The following UTP11 variants were observed in gnomAD, a reference collection of about 807,000 sequenced individuals.
The protein encoded by UTP11 is probable U3 small nucleolar RNA-associated protein 11.
UTP11 carries 29 observed loss-of-function variants against 39.0 expected under a neutral mutation model. That is an observed-to-expected ratio of 0.74 (90% CI 0.55 to 1.01). The LOEUF (loss-of-function observed/expected upper bound fraction) is 1.01. Ranked by LOEUF, UTP11 falls within the 50% of genes least tolerant of loss-of-function variation. The pLI, the probability that UTP11 is intolerant of heterozygous loss-of-function variation, is 0.00. For missense variants in UTP11, 281 were observed against 306.0 expected, an observed-to-expected ratio of 0.92 and a Z score of 0.61; for synonymous variants, 111 against 105.0, an observed-to-expected ratio of 1.06 and a Z score of -0.35.
intron 1 of UTP11, 63 bp downstream of exon 1, chr1:38,012,928 C>A: frequency 6.2e-7 from 1 of 1,600,970 alleles, no homozygotes; most frequent in African/African-American, 1.3e-5. Flanking sequence ...TTGCCCCAAC[C>A]CTGTCGCCAC....
chr1:38,023,047 C>T (rs113966271), intron 7 of UTP11, among the ~76,000 whole-genome samples: 2 of 152,058 alleles, frequency 1.3e-5, no homozygotes, highest in African/African-American at 2.4e-5. Flanking sequence ...AGGGTAGGAT[C>T]GGGTAGCATA....
rs1646707301 is a variant in UTP11, at chr1:38,016,397, G to T, written c.102G>T (p.Lys34Asn). The change falls in exon 2 of 8, where the codon AAG (lysine) becomes AAT (asparagine). Residue 34 changes from lysine to asparagine, a missense_variant. Coordinates refer to ENST00000373014, the MANE Select transcript of UTP11 (RefSeq NM_016037.4). The part of the protein sequence containing the change: ...FRKHLGLLEK[K>N]KDYKLRADDY... Reference sequence around the variant, plus strand: ...AACATCTGGGCCTGCTGGAGAAAAAGAAAGATTACAAACTTCGTGCAGAGT... The same window carrying T: ...AACATCTGGGCCTGCTGGAGAAAAATAAAGATTACAAACTTCGTGCAGAGT... 6.2e-7 allele frequency: 1 copy of T among 1,614,178 alleles called. No homozygotes were observed.
At chr1:38,020,557 T>C (rs577964360) in intron 6 of UTP11, among the ~76,000 whole-genome samples, 101 of 152,256 alleles carry the variant, frequency 6.6e-4, no homozygotes, top group Middle Eastern at 3.4e-3. Context: ...TAAAAAAAAA[T>C]GCTGTCAATG....
In UTP11 at chr1:38,024,806, T is replaced by A. The variant is rs1646756808; in HGVS notation, c.*1178T>A. 1 of 151,766 alleles carries A rather than the reference T, an allele frequency of 6.6e-6. No individual in the cohort carries two copies. Among genetic ancestry groups the A allele is most frequent in the Non-Finnish European group, 1.5e-5 (1 of 67,758 alleles). 9.4% of individuals were successfully genotyped at this position (151,766 alleles called of 1,614,324 possible). On this transcript the variant is annotated 3_prime_UTR_variant, in exon 8 of 8. Transcript: ENST00000373014. ...ATGCTAGAGTAAACGTTAAAATAAA[T>A]ATTATTTTTAATGATTGCATAGTGT...
intron 2 of UTP11, 127 bp from the exon 3 acceptor site, chr1:38,017,541 C>G (rs1184573770): frequency 1.4e-6 from 1 of 700,468 alleles, no homozygotes; most frequent in Non-Finnish European, 2.3e-6. Context: ...GTGCTTTTGG[C>G]TTTTTTGAGT....
intron 6 of UTP11, among the ~76,000 whole-genome samples, chr1:38,019,777 C>A (rs537730238): frequency 3.9e-5 from 6 of 152,200 alleles, no homozygotes; most frequent in Admixed American, 2.6e-4. Flanking sequence ...AGCCACTGTG[C>A]CTGGCCTAAA....
At chr1:38,013,128 A>G (rs1646687764) in intron 1 of UTP11, among the ~76,000 whole-genome samples, 1 of 152,144 alleles carries the variant, frequency 6.6e-6, no homozygotes, top group South Asian at 2.1e-4. Context: ...CAGTGTGGTG[A>G]TTGAGTAAGA....
chr1:38,016,206 G>C (rs1453337800), intron 1 of UTP11, among the ~76,000 whole-genome samples, 153 bp from the exon 2 acceptor site: 1 of 152,276 alleles, frequency 6.6e-6, no homozygotes, highest in Non-Finnish European at 1.5e-5. Context: ...GAGCCCAGTT[G>C]TGGGGAGGGG....
At chr1:38,020,386 G>C (rs1055461995) in intron 6 of UTP11, among the ~76,000 whole-genome samples, 5 of 152,184 alleles carry the variant, frequency 3.3e-5, no homozygotes, top group African/African-American at 9.7e-5. Flanking sequence ...TTACAGGCGT[G>C]AGCCACCATG....
Position 38,023,627 on chromosome 1 carries a change from G to C in UTP11, c.761G>C (p.Ter254SerextTer42), listed in dbSNP as rs1646750172. Residue 254 changes from the stop codon to serine, a stop_lost, in exon 8 of 8, where the codon TGA (stop) becomes TCA (serine). Transcript: ENST00000373014. Reference protein sequence around the residue: ...IYKFQSRRKR* With the variant: ...IYKFQSRRKRS ...AAATTTCAGAGTCGTCGAAAACGTTGACGTGTTATAGATAAGCCTTGTCAT... is the reference window on the plus strand; with the variant it reads ...AAATTTCAGAGTCGTCGAAAACGTTCACGTGTTATAGATAAGCCTTGTCAT... 6.2e-7 allele frequency: 1 copy of C among 1,609,046 alleles called. No individual in the cohort carries two copies. The highest frequency in any genetic ancestry group is 1.7e-5 in the Admixed American group (1 of 59,010).
intron 4 of UTP11, 23 bp from the exon 5 acceptor site, chr1:38,019,036 T>G: frequency 3.8e-6 from 6 of 1,581,348 alleles, no homozygotes; most frequent in South Asian, 1.1e-5. Context: ...TAATATAAAG[T>G]GAGACCATAT....
chr1:38,017,821 T>C, intron 3 of UTP11, 51 bp downstream of exon 3: 1 of 1,461,376 alleles, frequency 6.8e-7, no homozygotes, highest in Admixed American at 2.0e-5. Context: ...CATTGGAAAA[T>C]AAGGACAGGG....
chr1:38,016,959 G>A (rs1168765206), intron 2 of UTP11: 1 of 157,650 alleles, frequency 6.3e-6, no homozygotes, highest in Non-Finnish European at 1.4e-5. Flanking sequence ...ATACATGTCA[G>A]CTGAGGTCCT....
chr1:38,022,840 T>G, intron 7 of UTP11, 31 bp downstream of exon 7: 1 of 1,493,858 alleles, frequency 6.7e-7, no homozygotes, highest in Non-Finnish European at 9.2e-7. Context: ...GCCTCTTTTT[T>G]TTTTTTTCCC....
intron 6 of UTP11, among the ~76,000 whole-genome samples, chr1:38,021,907 A>G (rs76605682): frequency 6.6e-6 from 1 of 152,006 alleles, no homozygotes; most frequent in Non-Finnish European, 1.5e-5. Flanking sequence ...AAAAAAAAAA[A>G]AGAAGAAAGA....
intron 1 of UTP11, among the ~76,000 whole-genome samples, chr1:38,015,623 A>G (rs749097481): frequency 6.6e-6 from 1 of 152,234 alleles, no homozygotes; most frequent in Non-Finnish European, 1.5e-5. Flanking sequence ...TAAGTGCTCA[A>G]CAAATGGTAG....
At chr1:38,020,925 C>CT (rs34333804) in intron 6 of UTP11, among the ~76,000 whole-genome samples, 18,035 of 145,076 alleles carry the variant, frequency 0.12, 1,130 homozygotes, top group Middle Eastern at 0.18. Context: ...ATTAGGTGTA[C>CT]TTTTTTTTTT....
At chr1:38,017,646 C>A in intron 2 of UTP11, 22 bp from the exon 3 acceptor site, 43 of 1,135,608 alleles carry the variant, frequency 3.8e-5, no homozygotes, top group South Asian at 7.0e-5. Context: ...TTGCTATGAA[C>A]CTCATTTAAC....
At position 38,024,633 on chromosome 1, in the gene UTP11, T is replaced by C. The variant is rs2148740692; in HGVS notation, c.*1005T>C. 6.6e-6 allele frequency: 1 copy of C among 151,034 alleles called. No individual in the cohort carries two copies. Among genetic ancestry groups the C allele is most frequent in the East Asian group, 2.0e-4 (1 of 5,108 alleles). 9.4% of individuals were successfully genotyped at this position (151,034 alleles called of 1,614,324 possible). A position where few individuals can be genotyped will look rare whatever the true frequency, so the allele number is the denominator to read the frequency against. Reference sequence around the variant, plus strand: ...CTTGTTAGCCAGGATGGTCTCGATCTCCTGACCTCATGATCCACCCGCCTC... The same window carrying C: ...CTTGTTAGCCAGGATGGTCTCGATCCCCTGACCTCATGATCCACCCGCCTC... On this transcript the variant is annotated 3_prime_UTR_variant, in exon 8 of 8. Transcript: ENST00000373014.
Sources: gnomAD v4.1 joint callset for allele counts (sites outside exome capture counted in the v4.1 genomes callset) on GRCh38, gnomAD v4.1.1 for gene constraint, MANE v1.5 for transcripts, NCBI Gene and HGNC (gene_info 2026-07-23, HGNC 2026-07-21) for gene names.